Variants in HMCN2 observed in about 807,000 individuals in gnomAD.
The protein encoded by HMCN2 is hemicentin 2, also known as hemicentin-2.
A neutral mutation model predicts 377.5 loss-of-function variants in HMCN2; 325 were observed. The observed-to-expected ratio is 0.86, with a 90% CI of 0.79 to 0.94. HMCN2 has a LOEUF of 0.94. HMCN2 is among the 40% of genes least tolerant of loss of function. The pLI, the probability that HMCN2 is intolerant of heterozygous loss-of-function variation, is 0.00. For synonymous variants in HMCN2, 2,007 were observed against 2,046.8 expected (o/e 0.98, Z 0.53); for missense variants, 4,543 against 4,725.3 (o/e 0.96, Z 1.13).
At chr9:130,286,064 A>C in intron 3 of HMCN2, 124 bp from the exon 4 acceptor site, 1 of 399,052 alleles carries the variant, frequency 2.5e-6, no homozygotes, top group Non-Finnish European at 5.1e-6. Flanking sequence ...ATGTCATTCT[A>C]TACATGTGAC....
At chr9:130,348,815 C>A in intron 27 of HMCN2, 140 bp downstream of exon 27, 1 of 1,231,600 alleles carries the variant, frequency 8.1e-7, no homozygotes, top group Non-Finnish European at 1.1e-6. Context: ...GGGTTCACGG[C>A]AGTGGAGGAT....
intron 19 of HMCN2, among the ~76,000 whole-genome samples, chr9:130,323,231 G>A (rs1296455891): frequency 6.6e-6 from 1 of 152,182 alleles, no homozygotes; most frequent in Non-Finnish European, 1.5e-5. Context: ...GCCTCTGCTG[G>A]CTGTGGCGAC....
At position 130,384,783 on chromosome 9, in the gene HMCN2, C is replaced by T. The variant is rs1841926595; in HGVS notation, c.9091C>T (p.Gln3031Ter). Residue 3031 changes from glutamine (Q) to a stop codon, truncating the protein, a stop_gained, in exon 59 of 98, where the codon CAG becomes TAG. Coordinates refer to ENST00000683500, the MANE Select transcript of HMCN2 (RefSeq NM_001291815.2). LOFTEE classifies it high-confidence loss of function. ...TGCCGGCCGAGACCAGAAGCTGGTG[C>T]AGCTCAGTGTTCTGGGTATGTCCAT... ...NAAGRDQKLV[Q>*]LSVLVPPAFR... 5 of 1,303,232 alleles carry T rather than the reference C, an allele frequency of 3.8e-6. No individual in the cohort carries two copies. Among genetic ancestry groups the T allele is most frequent in the Non-Finnish European group, 4.0e-6 (4 of 988,806 alleles). 80.7% of individuals were successfully genotyped at this position (1,303,232 alleles called of 1,614,324 possible). A position where few individuals can be genotyped will look rare whatever the true frequency, so the allele number is the denominator to read the frequency against.
chr9:130,408,959 T>C (rs1389133758), intron 84 of HMCN2, 26 bp downstream of exon 84: 1 of 1,275,190 alleles, frequency 7.8e-7, no homozygotes, highest in East Asian at 5.6e-5. Context: ...GCACCTTGGG[T>C]GGGGCCACTG....
rs374761776 is a variant in HMCN2, at chr9:130,310,007, C to A, written c.2296C>A (p.Arg766=). Residue 766 remains arginine, a synonymous_variant, in exon 15 of 98, where the codon CGG becomes AGG. Coordinates refer to ENST00000683500, the MANE Select transcript of HMCN2 (RefSeq NM_001291815.2). The stretch of plus-strand genomic sequence containing the variant: ...GAGGGATGCTGGCACCTACACCTGC[C>A]GGGCTGTCAATGAGTTGGGTGACGC... ...QERDAGTYTC[R]AVNELGDASA... is the part of the protein sequence containing the mutation. 3.7e-6 allele frequency: 2 copies of A among 533,972 alleles called. No homozygotes were observed. Among genetic ancestry groups the A allele is most frequent in the Non-Finnish European group, 7.7e-6 (2 of 259,716 alleles). The allele number at this position is 533,972 out of a possible 1,614,324, so 33.1% of individuals were successfully genotyped here.
At chr9:130,403,158 C>T (rs1789087955) in intron 78 of HMCN2, 36 bp from the exon 79 acceptor site, 2 of 1,276,928 alleles carry the variant, frequency 1.6e-6, no homozygotes, top group Non-Finnish European at 1.0e-6. Flanking sequence ...GTGTTAAGGA[C>T]ATTCTCAGGG....
Position 130,340,520 on chromosome 9 carries a change from C to CCT in HMCN2, c.3488-591_3488-590insCT, listed in dbSNP as rs1554947394. Among the ~76,000 whole-genome samples the CCT allele has an allele frequency of 3.5e-5, 5 of 144,242 alleles. No homozygotes were observed. In the East Asian group the frequency reaches 8.3e-4, roughly 24 times the overall value. 94.6% of individuals were successfully genotyped at this position (144,242 alleles called of 152,430 possible). A position where few individuals can be genotyped will look rare whatever the true frequency, so the allele number is the denominator to read the frequency against. ...TGAGCTGGATGAATCCCAAGTGGCG[C>CCT]TTTTTTTTTTTTTTTCTTAGACGGA... is the stretch of plus-strand genomic sequence containing the variant. On this transcript the variant is annotated intron_variant, in intron 23 of 97. Coordinates refer to ENST00000683500, the MANE Select transcript of HMCN2 (RefSeq NM_001291815.2).
At chr9:130,419,080 C>G in intron 86 of HMCN2, 39 bp downstream of exon 86, 1 of 1,451,970 alleles carries the variant, frequency 6.9e-7, no homozygotes. Flanking sequence ...TGGACAGAGG[C>G]AGGATCTCTT....
chr9:130,416,106 T>TTTA (rs1564874085), intron 85 of HMCN2, among the ~76,000 whole-genome samples: 2 of 145,732 alleles, frequency 1.4e-5, no homozygotes, highest in Non-Finnish European at 3.0e-5. Flanking sequence ...CTTTATTTTT[T>TTTA]TTTTTTTTTT....
At chr9:130,349,233 G>A in intron 28 of HMCN2, 102 bp downstream of exon 28, 1 of 1,173,024 alleles carries the variant, frequency 8.5e-7, no homozygotes, top group Non-Finnish European at 1.1e-6. Context: ...CCTGCGGAGA[G>A]CAGGGGGCAC....
rs1554923733 is a variant in HMCN2, at chr9:130,277,808, CCACCAT to C, written c.260-6792_260-6787del. ...ACCACCACCATCATCATCACCACCA[CCACCAT>C]CATCATCATCACCACCACCATCATC... On this transcript the variant is annotated intron_variant, in intron 1 of 97. Coordinates refer to ENST00000683500, the MANE Select transcript of HMCN2 (RefSeq NM_001291815.2). Among the ~76,000 whole-genome samples the C allele has an allele frequency of 7.8e-5, 7 of 90,202 alleles. 1 individual carries two copies. The highest frequency in any genetic ancestry group is 1.4e-4 in the Non-Finnish European group (6 of 43,440). The allele number at this position is 90,202 out of a possible 152,430, so 59.2% of individuals were successfully genotyped here.
Position 130,352,982 on chromosome 9 carries a change from C to T in HMCN2, c.4641C>T (p.Asp1547=). Residue 1547 remains aspartate, a synonymous_variant, in exon 31 of 98, where the codon GAC becomes GAT. Coordinates refer to ENST00000683500, the MANE Select transcript of HMCN2 (RefSeq NM_001291815.2). ...CAGGCGAGGTGGCCGTCATGGAGGA[C>T]CACCTAGTGCAGCTCCTGTGTGAGG... ...NETGEVAVME[D]HLVQLLCEAR... The T allele has an allele frequency of 7.7e-7, 1 of 1,303,002 alleles. No individual in the cohort carries two copies. Among genetic ancestry groups the T allele is most frequent in the South Asian group, 1.2e-5 (1 of 80,894 alleles). The allele number at this position is 1,303,002 out of a possible 1,614,324, so 80.7% of individuals were successfully genotyped here.
chr9:130,432,345 G>A, intron 96 of HMCN2, 84 bp from the exon 97 acceptor site: 1 of 1,315,568 alleles, frequency 7.6e-7, no homozygotes, highest in Non-Finnish European at 1.1e-6. Flanking sequence ...GTCCCCCAAA[G>A]GTACTTCTCC....
intron 89 of HMCN2, among the ~76,000 whole-genome samples, chr9:130,425,371 C>A (rs557751941): frequency 6.6e-6 from 1 of 152,114 alleles, no homozygotes; most frequent in Non-Finnish European, 1.5e-5. Flanking sequence ...TTCAAAAGCA[C>A]GAGTCCTGAA....
chr9:130,387,269 G>A (rs530703337), intron 61 of HMCN2, among the ~76,000 whole-genome samples: 91 of 152,288 alleles, frequency 6.0e-4, no homozygotes, highest in Non-Finnish European at 9.6e-4. Flanking sequence ...AGACTTAGCC[G>A]TGCCACAAAA....
intron 46 of HMCN2, 102 bp downstream of exon 46, chr9:130,371,233 C>A: frequency 1.5e-6 from 1 of 656,264 alleles, no homozygotes; most frequent in African/African-American, 2.0e-5. Flanking sequence ...AGCTGCCAGG[C>A]CTGGTTGGAA....
At chr9:130,403,028 C>A in intron 78 of HMCN2, 132 bp downstream of exon 78, 1 of 1,011,722 alleles carries the variant, frequency 9.9e-7, no homozygotes, top group Non-Finnish European at 1.3e-6. Flanking sequence ...CCATGGGATT[C>A]TTTGGCAGGA....
Position 130,430,623 on chromosome 9 carries a change from C to A in HMCN2, c.14647+19C>A. ...TGCACAGGTAAGGCCAGGCCCTGACCATCCACGGGACACTGCCGTTATGGG... is the reference window on the plus strand; with the variant it reads ...TGCACAGGTAAGGCCAGGCCCTGACAATCCACGGGACACTGCCGTTATGGG... On this transcript the variant is annotated intron_variant, in intron 95 of 97. Coordinates refer to ENST00000683500, the MANE Select transcript of HMCN2 (RefSeq NM_001291815.2). 1 of 1,533,428 alleles carries A rather than the reference C, an allele frequency of 6.5e-7. No homozygotes were observed. The highest frequency in any genetic ancestry group is 1.2e-5 in the South Asian group (1 of 82,636). 95.0% of individuals were successfully genotyped at this position (1,533,428 alleles called of 1,614,324 possible).
chr9:130,392,211 G>C (rs1588379667), intron 66 of HMCN2, 93 bp downstream of exon 66: 2 of 895,562 alleles, frequency 2.2e-6, no homozygotes, highest in Non-Finnish European at 2.7e-6. Context: ...GCCAGGACTG[G>C]CTGCAACACC....
Sources: gnomAD v4.1 joint callset for allele counts (sites outside exome capture counted in the v4.1 genomes callset) on GRCh38, gnomAD v4.1.1 for gene constraint, MANE v1.5 for transcripts, NCBI Gene and HGNC (gene_info 2026-07-23, HGNC 2026-07-21) for gene names.